ITSN1: variants seen among roughly 807,000 people sequenced by gnomAD.
ITSN1 encodes the protein intersectin 1.
In ITSN1, 58 loss-of-function variants were observed where a neutral mutation model predicts 239.8. That is an observed-to-expected ratio of 0.24 (90% CI 0.20 to 0.30). ITSN1 has a LOEUF of 0.30. Among genes scored for constraint, ITSN1 ranks in the 10% least tolerant of loss-of-function variants. The pLI is 1.00. For synonymous variants in ITSN1, 780 were observed against 770.8 expected, an observed-to-expected ratio of 1.01 and a Z score of -0.20; for missense variants, 1,558 against 2,103.3, an observed-to-expected ratio of 0.74 and a Z score of 5.07.
At chr21:33,772,007 A>G in intron 11 of ITSN1, 54 bp from the exon 12 acceptor site, 1 of 1,588,882 alleles carries the variant, frequency 6.3e-7, no homozygotes, top group Middle Eastern at 1.7e-4. Flanking sequence ...TTCCTTTGAA[A>G]AGAGTCCGTT....
Position 33,882,424 on chromosome 21 carries a change from A to T in ITSN1, c.4523A>T (p.Lys1508Ile). The T allele has an allele frequency of 6.2e-7, 1 of 1,614,150 alleles. No homozygotes were observed. The highest frequency in any genetic ancestry group is 8.5e-7 in the Non-Finnish European group (1 of 1,180,020). ...SSGTDKVFSPKSNLQYKMYKT... is the reference protein window; with the variant it reads ...SSGTDKVFSPISNLQYKMYKT... ...GGCACCGACAAAGTCTTCAGCCCCA[A>T]ATCAAACCTGCAGTATAAAATGTAT... Residue 1508 changes from lysine (K) to isoleucine (I), a missense_variant, in exon 35 of 40, where the codon AAA becomes ATA. Lys to Ile is a moderately radical substitution (Grantham distance 102). Coordinates refer to ENST00000381318, the MANE Select transcript of ITSN1 (RefSeq NM_003024.3). This position sits in a 1 kb window ranked among gnomAD's most constrained non-coding sequence, Gnocchi z 4.5.
In ITSN1 at chr21:33,895,426, C is replaced by CTTGTGT. The variant is rs1569357611; in HGVS notation, c.*7126_*7127insTTGTGT. The CTTGTGT allele has an allele frequency of 2.0e-5, 3 of 151,474 alleles. No individual in the cohort carries two copies. Among genetic ancestry groups the CTTGTGT allele is most frequent in the Admixed American group, 1.3e-4 (2 of 15,194 alleles). The allele number at this position is 151,474 out of a possible 1,614,324, so 9.4% of individuals were successfully genotyped here. On this transcript the variant is annotated 3_prime_UTR_variant, in exon 40 of 40. Transcript: ENST00000381318. ...CGTGGTGTGTGCATGCGTGTTTGTG[C>CTTGTGT]GTGCGTGTGCATGTATGTGTTTGTG...
intron 29 of ITSN1, among the ~76,000 whole-genome samples, chr21:33,853,117 C>G (rs1050113491): frequency 1.3e-5 from 2 of 152,214 alleles, no homozygotes; most frequent in Non-Finnish European, 2.9e-5. Context: ...AAAGATGATT[C>G]CAAGCCAACA....
At chr21:33,696,829 C>T (rs1462306207) in intron 1 of ITSN1, among the ~76,000 whole-genome samples, 1 of 152,128 alleles carries the variant, frequency 6.6e-6, no homozygotes, top group African/African-American at 2.4e-5. Flanking sequence ...TTACCTTTAA[C>T]CACTGTTCGT....
At chr21:33,833,490 C>A (rs2148386682) in intron 27 of ITSN1, among the ~76,000 whole-genome samples, 1 of 152,320 alleles carries the variant, frequency 6.6e-6, no homozygotes, top group Non-Finnish European at 1.5e-5. Context: ...TGTCACTCAA[C>A]TTTTCATCTG....
chr21:33,776,219 TG>T (rs1274352218), intron 14 of ITSN1, among the ~76,000 whole-genome samples: 1 of 152,050 alleles, frequency 6.6e-6, no homozygotes, highest in African/African-American at 2.4e-5. Flanking sequence ...CTTTTAGGAA[TG>T]GAACTACTGT....
intron 29 of ITSN1, among the ~76,000 whole-genome samples, chr21:33,850,908 T>A (rs939254063): frequency 1.3e-5 from 2 of 152,082 alleles, no homozygotes; most frequent in Non-Finnish European, 2.9e-5. Flanking sequence ...ACTTGGTCCA[T>A]GGGGAGAAGC....
intron 1 of ITSN1, among the ~76,000 whole-genome samples, chr21:33,679,818 C>T (rs2090832612): frequency 6.6e-6 from 1 of 151,536 alleles, no homozygotes; most frequent in South Asian, 2.1e-4. Context: ...CTGCCTCAGC[C>T]TCCCAAGTAG....
At chr21:33,862,444 C>A (rs1010020211) in intron 31 of ITSN1, among the ~76,000 whole-genome samples, 1 of 151,894 alleles carries the variant, frequency 6.6e-6, no homozygotes, top group Admixed American at 6.6e-5. Context: ...GGGGTAATGA[C>A]AGATGGTGAG....
At chr21:33,669,721 G>A (rs2090147835) in intron 1 of ITSN1, among the ~76,000 whole-genome samples, 1 of 152,082 alleles carries the variant, frequency 6.6e-6, no homozygotes, top group Admixed American at 6.5e-5. Context: ...GATTACAGGC[G>A]TGAGCCACCG....
At chr21:33,645,935 TGTCGTAC>T (rs1568826450) in intron 1 of ITSN1, among the ~76,000 whole-genome samples, 1 of 152,226 alleles carries the variant, frequency 6.6e-6, no homozygotes. Flanking sequence ...TAATTTTACC[TGTCGTAC>T]ACCTTTCAGA....
chr21:33,856,971 T>A (rs1979466924), intron 30 of ITSN1, 114 bp downstream of exon 30: 7 of 1,011,156 alleles, frequency 6.9e-6, no homozygotes, highest in Non-Finnish European at 1.0e-5. Flanking sequence ...CTTTCTGATG[T>A]TTGAGGAGCA....
chr21:33,786,255 A>T (rs1316698693), intron 16 of ITSN1, among the ~76,000 whole-genome samples: 1 of 152,194 alleles, frequency 6.6e-6, no homozygotes, highest in Non-Finnish European at 1.5e-5. Flanking sequence ...TTTACCATTA[A>T]TTTCTGCTTT....
rs188013716 is a variant in ITSN1, at chr21:33,697,544, G to A, written c.-32-21253G>A. Among the ~76,000 whole-genome samples the A allele has an allele frequency of 3.4e-3, 522 of 151,986 alleles. 4 individuals carry two copies. The highest frequency in any genetic ancestry group is 0.012 in the African/African-American group (488 of 41,460). On this transcript the variant is annotated intron_variant, in intron 1 of 39. Transcript: ENST00000381318. ...TCATCACTTATTAATTTATATTTGA[G>A]AGGACTGGAAAGTATGTGAGTTGAA...
At chr21:33,727,615 A>G (rs1422528631) in intron 4 of ITSN1, among the ~76,000 whole-genome samples, 1 of 151,650 alleles carries the variant, frequency 6.6e-6, no homozygotes, top group Non-Finnish European at 1.5e-5. Flanking sequence ...TACAAAAAAA[A>G]AAAAAAAAAA....
chr21:33,653,282 A>G (rs1018836134), intron 1 of ITSN1, among the ~76,000 whole-genome samples: 1 of 152,146 alleles, frequency 6.6e-6, no homozygotes, highest in Non-Finnish European at 1.5e-5. Flanking sequence ...GGCGTGAGCC[A>G]CCGCACCCAG....
chr21:33,715,199 C>G (rs2147009640), intron 1 of ITSN1, among the ~76,000 whole-genome samples: 1 of 152,182 alleles, frequency 6.6e-6, no homozygotes, highest in African/African-American at 2.4e-5. Flanking sequence ...TTTTGTATAG[C>G]TTAGTATTAT....
chr21:33,851,555 T>C (rs1011843471), intron 29 of ITSN1, among the ~76,000 whole-genome samples: 2 of 150,842 alleles, frequency 1.3e-5, no homozygotes, highest in Non-Finnish European at 3.0e-5. Context: ...CCTGTCACCA[T>C]GCCCAGCTAA....
intron 26 of ITSN1, chr21:33,828,872 C>T (rs2074124618): frequency 2.2e-6 from 1 of 452,266 alleles, no homozygotes; most frequent in Non-Finnish European, 4.6e-6. Context: ...GAGTTTTTCC[C>T]ATGGGACTTT....
Sources: allele counts gnomAD v4.1 joint callset (sites outside exome capture counted in the v4.1 genomes callset), GRCh38; gene constraint gnomAD v4.1.1; non-coding constraint Gnocchi (gnomAD v3.1); transcripts MANE v1.5; gene names NCBI Gene and HGNC (gene_info 2026-07-23, HGNC 2026-07-21).